CNOT6: variants seen among roughly 807,000 people sequenced by gnomAD.
CNOT6 encodes the protein carbon catabolite repression 4 protein.
CNOT6 carries 12 observed loss-of-function variants against 61.2 expected under a neutral mutation model. The observed-to-expected ratio is 0.20, with a 90% CI of 0.13 to 0.32. The LOEUF (loss-of-function observed/expected upper bound fraction) is 0.32. CNOT6 is among the 10% of genes least tolerant of loss of function. The pLI, the probability that CNOT6 is intolerant of heterozygous loss-of-function variation, is 1.00. For missense variants in CNOT6, 405 were observed against 663.9 expected (o/e 0.61, Z 4.28); for synonymous variants, 225 against 240.6 (o/e 0.94, Z 0.60).
intron 3 of CNOT6, among the ~76,000 whole-genome samples, chr5:180,550,967 T>C (rs1243787894): frequency 6.6e-6 from 1 of 152,164 alleles, no homozygotes; most frequent in African/African-American, 2.4e-5. Context: ...TTGGACAACC[T>C]TCTTGACCCA....
intron 4 of CNOT6, among the ~76,000 whole-genome samples, chr5:180,560,374 A>G (rs1760103436): frequency 6.6e-6 from 1 of 152,154 alleles, no homozygotes; most frequent in African/African-American, 2.4e-5. Flanking sequence ...TTGTATTTAG[A>G]GAACTTTTTC....
intron 1 of CNOT6, chr5:180,495,348 C>T (rs1283642499): frequency 6.6e-6 from 1 of 152,200 alleles, no homozygotes; most frequent in Admixed American, 6.5e-5. Context: ...GCGAAGGATT[C>T]GGAGATTGTA....
chr5:180,508,510 C>A (rs1425929611), intron 1 of CNOT6, among the ~76,000 whole-genome samples: 1 of 152,008 alleles, frequency 6.6e-6, no homozygotes, highest in Non-Finnish European at 1.5e-5. Context: ...CGGGGTTTCA[C>A]CGTGTTGGCC....
chr5:180,528,967 T>G (rs1372694159), intron 1 of CNOT6, among the ~76,000 whole-genome samples: 2 of 152,052 alleles, frequency 1.3e-5, no homozygotes, highest in African/African-American at 4.8e-5. Flanking sequence ...TCCCAGCACT[T>G]TGGGAGGCCA....
intron 2 of CNOT6, among the ~76,000 whole-genome samples, chr5:180,535,758 T>A (rs1758655010): frequency 6.6e-6 from 1 of 152,200 alleles, no homozygotes; most frequent in African/African-American, 2.4e-5. Context: ...TTGTACTAAT[T>A]TACATTCCCA....
chr5:180,517,827 C>G (rs1757712753), intron 1 of CNOT6, among the ~76,000 whole-genome samples: 1 of 152,238 alleles, frequency 6.6e-6, no homozygotes, highest in Non-Finnish European at 1.5e-5. Context: ...CAGGCGTGAG[C>G]TACTGCGCCT....
chr5:180,571,181 ATTAC>A, intron 10 of CNOT6, 45 bp from the exon 11 acceptor site: 1 of 1,298,538 alleles, frequency 7.7e-7, no homozygotes, highest in African/African-American at 1.5e-5. Flanking sequence ...ATCTTTTAAA[ATTAC>A]TTTTTGTATA....
At chr5:180,522,823 T>C (rs1757938149) in intron 1 of CNOT6, among the ~76,000 whole-genome samples, 1 of 152,162 alleles carries the variant, frequency 6.6e-6, no homozygotes, top group African/African-American at 2.4e-5. Context: ...CCCTGCGCTG[T>C]TCCTCACCCT....
intron 1 of CNOT6, among the ~76,000 whole-genome samples, chr5:180,521,462 A>G (rs1452610121): frequency 2.0e-5 from 3 of 152,240 alleles, no homozygotes; most frequent in Non-Finnish European, 4.4e-5. Flanking sequence ...TTATTTTTGC[A>G]ATATACATAT....
intron 1 of CNOT6, among the ~76,000 whole-genome samples, chr5:180,514,565 T>C (rs1162787958): frequency 6.6e-6 from 1 of 152,200 alleles, no homozygotes; most frequent in African/African-American, 2.4e-5. Flanking sequence ...GCCATTGTAA[T>C]GGCTGAGGAA....
At chr5:180,568,506 T>C (rs1316119109) in intron 9 of CNOT6, among the ~76,000 whole-genome samples, 1 of 151,450 alleles carries the variant, frequency 6.6e-6, no homozygotes, top group Non-Finnish European at 1.5e-5. Flanking sequence ...GAGCCAAGAT[T>C]GTCACACTGC....
intron 4 of CNOT6, among the ~76,000 whole-genome samples, chr5:180,559,607 T>G (rs1760068571): frequency 6.6e-6 from 1 of 152,206 alleles, no homozygotes; most frequent in Non-Finnish European, 1.5e-5. Context: ...ATTAGTAAGT[T>G]AGGGTGTAAG....
At chr5:180,511,094 C>G (rs113361896) in intron 1 of CNOT6, among the ~76,000 whole-genome samples, 2 of 152,220 alleles carry the variant, frequency 1.3e-5, no homozygotes, top group East Asian at 3.9e-4. Flanking sequence ...TGTGAGCCAC[C>G]GTGTCCAGAC....
At chr5:180,514,754 A>G (rs1051691171) in intron 1 of CNOT6, among the ~76,000 whole-genome samples, 1 of 152,222 alleles carries the variant, frequency 6.6e-6, no homozygotes, top group Non-Finnish European at 1.5e-5. Flanking sequence ...GAAGGTACTC[A>G]GTAAATATTT....
intron 2 of CNOT6, among the ~76,000 whole-genome samples, chr5:180,542,627 T>G (rs1326304232): frequency 6.6e-6 from 1 of 152,234 alleles, no homozygotes; most frequent in African/African-American, 2.4e-5. Context: ...GTAGGTATAC[T>G]AATTACACCT....
Position 180,555,799 on chromosome 5 carries a change from G to A in CNOT6, c.385+2328G>A, listed in dbSNP as rs112588572. ...GAGTCATGTTTGTTTGCTATTATAC[G>A]TCATACATTCTTGCAGAACCAAAGT... On this transcript the variant is annotated intron_variant, in intron 4 of 11. Coordinates refer to ENST00000261951, the MANE Select transcript of CNOT6 (RefSeq NM_001370472.1). 8.5e-5 allele frequency among the ~76,000 whole-genome samples: 13 copies of A among 152,230 alleles called. 1 individual carries two copies. Among genetic ancestry groups the A allele is most frequent in the African/African-American group, 1.2e-4 (5 of 41,530 alleles).
intron 1 of CNOT6, among the ~76,000 whole-genome samples, chr5:180,503,165 C>T (rs1439914474): frequency 6.6e-6 from 1 of 151,804 alleles, no homozygotes; most frequent in Admixed American, 6.6e-5. Flanking sequence ...TAGATACCAC[C>T]AATTTATAAG....
intron 1 of CNOT6, among the ~76,000 whole-genome samples, chr5:180,519,511 A>G (rs1757789124): frequency 1.3e-5 from 2 of 152,376 alleles, no homozygotes; most frequent in South Asian, 4.1e-4. Flanking sequence ...GTGTTAGAAT[A>G]TAGAATATTT....
intron 9 of CNOT6, among the ~76,000 whole-genome samples, chr5:180,568,845 G>A (rs1416736528): frequency 1.3e-5 from 2 of 152,072 alleles, no homozygotes; most frequent in Middle Eastern, 3.2e-3. Flanking sequence ...AAAGTTTCAG[G>A]GAGACAGAAT....
Sources: allele counts gnomAD v4.1 joint callset (sites outside exome capture counted in the v4.1 genomes callset), GRCh38; gene constraint gnomAD v4.1.1; transcripts MANE v1.5; gene names NCBI Gene and HGNC (gene_info 2026-07-23, HGNC 2026-07-21).